PRDM5: variants seen among roughly 807,000 people sequenced by gnomAD.
The protein encoded by PRDM5 is PR domain zinc finger protein 5.
A neutral mutation model predicts 81.2 loss-of-function variants in PRDM5; 56 were observed. The observed-to-expected ratio is 0.69, with a 90% CI of 0.56 to 0.86. The LOEUF is 0.86. Among genes scored for constraint, PRDM5 ranks in the 40% least tolerant of loss-of-function variants. The pLI is 0.00. For synonymous variants in PRDM5, 267 were observed against 256.4 expected (o/e 1.04, Z -0.39); for missense variants, 697 against 770.1 (o/e 0.91, Z 1.12).
At chr4:120,782,612 A>G (rs1749196948) in intron 11 of PRDM5, among the ~76,000 whole-genome samples, 1 of 152,150 alleles carries the variant, frequency 6.6e-6, no homozygotes, top group African/African-American at 2.4e-5. Context: ...TGCATGAACT[A>G]TGTGGATTCT....
intron 1 of PRDM5, among the ~76,000 whole-genome samples, chr4:120,908,095 G>A (rs752481026): frequency 5.3e-5 from 8 of 152,232 alleles, no homozygotes; most frequent in Non-Finnish European, 1.0e-4. Flanking sequence ...CTTGAAGTGT[G>A]TGCTTTGAAG....
Position 120,692,391 on chromosome 4 carries a change from G to C in PRDM5, c.*2720C>G, listed in dbSNP as rs1031175465. The stretch of plus-strand genomic sequence containing the variant: ...ACAGACACACACACTCATGTTTCTT[G>C]AAAATAACATGTTAACTATACTATG... On this transcript the variant is annotated 3_prime_UTR_variant, in exon 16 of 16. Transcript: ENST00000264808. 4.0e-5 allele frequency: 6 copies of C among 151,886 alleles called. No homozygotes were observed. The highest frequency in any genetic ancestry group is 5.9e-5 in the Non-Finnish European group (4 of 67,928). The allele number at this position is 151,886 out of a possible 1,614,324, so 9.4% of individuals were successfully genotyped here.
At chr4:120,735,159 G>A (rs1342921561) in intron 14 of PRDM5, among the ~76,000 whole-genome samples, 2 of 152,144 alleles carry the variant, frequency 1.3e-5, no homozygotes, top group South Asian at 2.1e-4. Flanking sequence ...AAACTGTCAT[G>A]GAATTCCCTA....
At chr4:120,875,009 A>G (rs992597550) in intron 2 of PRDM5, among the ~76,000 whole-genome samples, 2 of 152,180 alleles carry the variant, frequency 1.3e-5, no homozygotes, top group African/African-American at 2.4e-5. Flanking sequence ...AGCAGATCAC[A>G]ACACTGAGCT....
intron 2 of PRDM5, among the ~76,000 whole-genome samples, chr4:120,891,554 T>G (rs1410629132): frequency 6.6e-6 from 1 of 152,180 alleles, no homozygotes; most frequent in Non-Finnish European, 1.5e-5. Flanking sequence ...TTTTTGGTTA[T>G]TTCTTGTATT....
chr4:120,742,953 G>A (rs1406891288), intron 14 of PRDM5, among the ~76,000 whole-genome samples: 1 of 151,974 alleles, frequency 6.6e-6, no homozygotes, highest in Non-Finnish European at 1.5e-5. Context: ...TCCTCGAGAA[G>A]AGCAACTCCA....
chr4:120,865,566 C>T (rs947141926), intron 2 of PRDM5, among the ~76,000 whole-genome samples: 102 of 152,198 alleles, frequency 6.7e-4, no homozygotes, highest in African/African-American at 2.3e-3. Flanking sequence ...ACTCTTTCTT[C>T]AATCCCGACA....
At chr4:120,889,258 G>C (rs1454048326) in intron 2 of PRDM5, among the ~76,000 whole-genome samples, 1 of 151,974 alleles carries the variant, frequency 6.6e-6, no homozygotes, top group Non-Finnish European at 1.5e-5. Flanking sequence ...ATGTGAATTA[G>C]GGGTCAAAAT....
At chr4:120,886,644 G>A (rs1763462829) in intron 2 of PRDM5, among the ~76,000 whole-genome samples, 1 of 152,040 alleles carries the variant, frequency 6.6e-6, no homozygotes, top group South Asian at 2.1e-4. Flanking sequence ...GGTAAAAATA[G>A]CTATACATTT....
Position 120,775,867 on chromosome 4 carries a change from A to G in PRDM5, c.1537+1321T>C, listed in dbSNP as rs371796948. On this transcript the variant is annotated intron_variant, in intron 13 of 15. Transcript: ENST00000264808. ...ACACATAAAAGAGGGCTGCCCAGTG[A>G]CATCAAAGATTACACCACTAGACTG... Among the ~76,000 whole-genome samples the G allele has an allele frequency of 1.2e-4, 19 of 152,314 alleles. No individual in the cohort carries two copies. In the South Asian group the frequency reaches 2.9e-3, roughly 23 times the overall value.
chr4:120,825,803 TA>T (rs1333171776), intron 3 of PRDM5, among the ~76,000 whole-genome samples: 1 of 152,152 alleles, frequency 6.6e-6, no homozygotes, highest in African/African-American at 2.4e-5. Context: ...CTTCCACTGT[TA>T]ACATGTTAAA....
chr4:120,716,885 G>A (rs1737836437), intron 14 of PRDM5, among the ~76,000 whole-genome samples: 1 of 152,064 alleles, frequency 6.6e-6, no homozygotes, highest in African/African-American at 2.4e-5. Context: ...TTCTCAGAGA[G>A]TAAACCCTCA....
chr4:120,889,463 G>C (rs954260163), intron 2 of PRDM5, among the ~76,000 whole-genome samples: 13 of 151,998 alleles, frequency 8.6e-5, no homozygotes, highest in Non-Finnish European at 5.9e-5. Flanking sequence ...AAGCTGCCTT[G>C]ATGGCACCTT....
chr4:120,867,835 C>T (rs1180142365), intron 2 of PRDM5, among the ~76,000 whole-genome samples: 2 of 152,264 alleles, frequency 1.3e-5, no homozygotes, highest in African/African-American at 4.8e-5. Flanking sequence ...GCTGTTAGCA[C>T]AAAAGTGAGA....
intron 3 of PRDM5, among the ~76,000 whole-genome samples, chr4:120,831,340 T>C (rs931117000): frequency 2.0e-5 from 3 of 152,088 alleles, no homozygotes; most frequent in Non-Finnish European, 4.4e-5. Flanking sequence ...TCTTCTCAAT[T>C]AGGAAGCTGC....
chr4:120,855,491 A>G (rs1759770537), intron 2 of PRDM5, among the ~76,000 whole-genome samples: 1 of 152,178 alleles, frequency 6.6e-6, no homozygotes, highest in Non-Finnish European at 1.5e-5. Context: ...TTCGACTCAG[A>G]ACACTCACTG....
At chr4:120,816,729 T>G in intron 6 of PRDM5, 103 bp downstream of exon 6, 1 of 1,518,006 alleles carries the variant, frequency 6.6e-7, no homozygotes, top group South Asian at 1.1e-5. Context: ...AGCATTTAAA[T>G]TCTGTAGGTA....
chr4:120,759,231 C>T (rs528454105), intron 13 of PRDM5, among the ~76,000 whole-genome samples: 26 of 152,338 alleles, frequency 1.7e-4, no homozygotes, highest in African/African-American at 5.8e-4. Flanking sequence ...AAGTTCAACT[C>T]CATTCCTTCA....
intron 13 of PRDM5, among the ~76,000 whole-genome samples, chr4:120,763,611 A>G (rs907576798): frequency 6.6e-6 from 1 of 152,204 alleles, no homozygotes; most frequent in African/African-American, 2.4e-5. Flanking sequence ...GAACAATTTA[A>G]GTCAAGGAAG....
Sources: allele counts gnomAD v4.1 joint callset (sites outside exome capture counted in the v4.1 genomes callset), GRCh38; gene constraint gnomAD v4.1.1; transcripts MANE v1.5; gene names NCBI Gene and HGNC (gene_info 2026-07-23, HGNC 2026-07-21).